Variants in ATP13A4 observed in about 807,000 individuals in gnomAD.
ATP13A4 encodes ATPase 13A4, also known as probable cation-transporting ATPase 13A4.
ATP13A4 carries 114 observed loss-of-function variants against 142.5 expected under a neutral mutation model. The ratio of observed to expected loss-of-function variants is 0.80; its 90% CI spans 0.69 to 0.93. ATP13A4 has a LOEUF of 0.93. Among genes scored for constraint, ATP13A4 ranks in the 40% least tolerant of loss-of-function variants. The pLI is 0.00. For synonymous variants in ATP13A4, 488 were observed against 514.8 expected (o/e 0.95, Z 0.70); for missense variants, 1,392 against 1,454.0 (o/e 0.96, Z 0.69).
chr3:193,481,045 G>A (rs1357959848), intron 8 of ATP13A4, among the ~76,000 whole-genome samples: 3 of 152,176 alleles, frequency 2.0e-5, no homozygotes, highest in African/African-American at 7.2e-5. Flanking sequence ...AACATCATAT[G>A]TTCTCACTCA....
chr3:193,554,461 T>C, intron 1 of ATP13A4: 1 of 506,100 alleles, frequency 2.0e-6, no homozygotes, highest in South Asian at 2.0e-5. Context: ...ATAAAGTGCA[T>C]GGTGCTTCTC....
chr3:193,454,202 A>C lies in ATP13A4; in HGVS notation c.1926T>G (p.Ser642Arg), dbSNP rs1717444976. 3 of 1,609,858 alleles carry C rather than the reference A, an allele frequency of 1.9e-6. No individual in the cohort carries two copies. Among genetic ancestry groups the C allele is most frequent in the Admixed American group, 3.3e-5 (2 of 59,996 alleles). The change falls in exon 17 of 30, where the codon AGT becomes AGG. Residue 642 changes from serine to arginine, a missense_variant. By Grantham distance (110) the Ser-to-Arg change is moderately radical. Coordinates refer to ENST00000342695, the MANE Select transcript of ATP13A4 (RefSeq NM_032279.4). ...TGTAAATCTGAAGTTCGCTAACAAA[A>C]CTAGTGGGTACTGTTTAGAAAGAAA... ...SFCQPETVPT[S>R]FVSELQIYTT...
intron 2 of ATP13A4, among the ~76,000 whole-genome samples, chr3:193,572,270 T>C (rs926130638): frequency 7.9e-5 from 12 of 152,078 alleles, no homozygotes; most frequent in African/African-American, 2.7e-4. Flanking sequence ...AAACTGACTT[T>C]GTTTGGGGTA....
chr3:193,533,518 G>A (rs1292350968), intron 1 of ATP13A4, among the ~76,000 whole-genome samples: 2 of 152,058 alleles, frequency 1.3e-5, no homozygotes, highest in Non-Finnish European at 2.9e-5. Flanking sequence ...ATATATCCCA[G>A]GATTAGAGCA....
In ATP13A4 at chr3:193,442,528, C is replaced by A; in HGVS notation, c.2181G>T (p.Val727=). The A allele has an allele frequency of 6.2e-7, 1 of 1,613,992 alleles. No individual in the cohort carries two copies. The highest frequency in any genetic ancestry group is 1.7e-4 in the Middle Eastern group (1 of 6,052). Residue 727 remains valine, a synonymous_variant, in exon 19 of 30, where the codon GTG becomes GTT. Coordinates refer to ENST00000342695, the MANE Select transcript of ATP13A4 (RefSeq NM_032279.4). ...CAGAAACCATTCCAGATTTTCTGGCCACTGTTATTGCAGTCTGAAGATTGT... is the reference window on the plus strand; with the variant it reads ...CAGAAACCATTCCAGATTTTCTGGCAACTGTTATTGCAGTCTGAAGATTGT... ...TGDNLQTAIT[V]ARKSGMVSES...
chr3:193,504,657 A>G (rs1425579051), intron 2 of ATP13A4, among the ~76,000 whole-genome samples: 1 of 152,220 alleles, frequency 6.6e-6, no homozygotes, highest in Non-Finnish European at 1.5e-5. Flanking sequence ...GCTAAAAAAT[A>G]TAATTTGATT....
intron 1 of ATP13A4, among the ~76,000 whole-genome samples, chr3:193,531,338 G>T (rs1488231370): frequency 4.4e-5 from 6 of 135,030 alleles, no homozygotes; most frequent in Non-Finnish European, 9.8e-5. Context: ...AAGGAAGGAA[G>T]GGAGGAAGAG....
intron 1 of ATP13A4, among the ~76,000 whole-genome samples, chr3:193,533,560 A>G (rs997327369): frequency 1.3e-5 from 2 of 152,138 alleles, no homozygotes; most frequent in African/African-American, 4.8e-5. Context: ...ACAGAAGCAG[A>G]CCAAAGAAAA....
At chr3:193,438,643 C>T (rs1387729002) in intron 22 of ATP13A4, 59 bp from the exon 23 acceptor site, 5 of 1,461,842 alleles carry the variant, frequency 3.4e-6, no homozygotes. Flanking sequence ...CTACTAAAGC[C>T]TCATAAGAAA....
chr3:193,487,032 G>A (rs895535953), intron 7 of ATP13A4, among the ~76,000 whole-genome samples: 5 of 152,140 alleles, frequency 3.3e-5, no homozygotes, highest in Non-Finnish European at 5.9e-5. Context: ...TACATTAAAT[G>A]CATTTTCATG....
Position 193,441,448 on chromosome 3 carries a change from C to A in ATP13A4, c.2439+18G>T, listed in dbSNP as rs1385675712. 6.2e-7 allele frequency: 1 copy of A among 1,613,552 alleles called. No homozygotes were observed. The highest frequency in any genetic ancestry group is 2.2e-5 in the East Asian group (1 of 44,802). On this transcript the variant is annotated intron_variant, in intron 20 of 29. Coordinates refer to ENST00000342695, the MANE Select transcript of ATP13A4 (RefSeq NM_032279.4). ...ATCAGCATTTTCATAGGGAGATTGTCACCCTCTTAGAACTTACCTTTGGCA... is the reference window on the plus strand; with the variant it reads ...ATCAGCATTTTCATAGGGAGATTGTAACCCTCTTAGAACTTACCTTTGGCA...
chr3:193,494,532 G>A (rs988396489), intron 3 of ATP13A4, among the ~76,000 whole-genome samples: 11 of 151,694 alleles, frequency 7.3e-5, no homozygotes, highest in African/African-American at 2.4e-4. Flanking sequence ...ACAACCAATT[G>A]GTCAACAAAG....
intron 2 of ATP13A4, among the ~76,000 whole-genome samples, chr3:193,580,120 A>T (rs563477227): frequency 2.6e-4 from 39 of 152,288 alleles, no homozygotes; most frequent in Admixed American, 9.2e-4. Context: ...ATTTTATATA[A>T]ATATGTGAAT....
At chr3:193,458,940 T>G in intron 14 of ATP13A4, 141 bp downstream of exon 14, 1 of 1,108,648 alleles carries the variant, frequency 9.0e-7, no homozygotes, top group Non-Finnish European at 1.4e-6. Context: ...GAAACCAGCC[T>G]TAGATTGGTT....
chr3:193,567,990 A>T (rs1397344288), intron 2 of ATP13A4, among the ~76,000 whole-genome samples: 3 of 149,306 alleles, frequency 2.0e-5, no homozygotes, highest in Non-Finnish European at 4.4e-5. Flanking sequence ...ACGGAGTTTC[A>T]CTCTTATTGC....
chr3:193,515,176 A>G (rs960546770), intron 1 of ATP13A4, among the ~76,000 whole-genome samples: 2 of 152,176 alleles, frequency 1.3e-5, no homozygotes, highest in East Asian at 1.9e-4. Context: ...AACTCTCCCA[A>G]TCATGCCTAT....
chr3:193,516,797 C>T lies in ATP13A4; in HGVS notation c.61-1926G>A, dbSNP rs191849575. Among the ~76,000 whole-genome samples the T allele has an allele frequency of 1.8e-4, 26 of 144,458 alleles. No homozygotes were observed. In the East Asian group the frequency reaches 2.5e-3, roughly 14 times the overall value. 94.8% of individuals were successfully genotyped at this position (144,458 alleles called of 152,430 possible). On this transcript the variant is annotated intron_variant, in intron 1 of 29. Coordinates refer to ENST00000342695, the MANE Select transcript of ATP13A4 (RefSeq NM_032279.4). Reference sequence around the variant, plus strand: ...TTACTATGCATTCTTTTTTGGGCTACGCAGTGAGGGCTCTCTACAGTTTCC... The same window carrying T: ...TTACTATGCATTCTTTTTTGGGCTATGCAGTGAGGGCTCTCTACAGTTTCC...
At chr3:193,459,569 C>T (rs1451305003) in intron 13 of ATP13A4, among the ~76,000 whole-genome samples, 1 of 152,128 alleles carries the variant, frequency 6.6e-6, no homozygotes, top group African/African-American at 2.4e-5. Context: ...TCCTGAATAG[C>T]TGGAATTACA....
chr3:193,590,812 T>C (rs1452826224), intron 1 of ATP13A4, among the ~76,000 whole-genome samples: 1 of 152,178 alleles, frequency 6.6e-6, no homozygotes. Context: ...TAATTTTTAC[T>C]AAGAAAAGTA....
Sources: allele counts gnomAD v4.1 joint callset (sites outside exome capture counted in the v4.1 genomes callset), GRCh38; gene constraint gnomAD v4.1.1; transcripts MANE v1.5; gene names NCBI Gene and HGNC (gene_info 2026-07-23, HGNC 2026-07-21).